The following DPP10 variants were observed in gnomAD, a reference collection of about 807,000 sequenced individuals.
DPP10 encodes inactive dipeptidyl peptidase 10.
A neutral mutation model predicts 120.9 loss-of-function variants in DPP10; 33 were observed. The observed-to-expected ratio is 0.27, with a 90% CI of 0.21 to 0.37. The LOEUF is 0.37. Ranked by LOEUF, DPP10 falls within the 10% of genes least tolerant of loss-of-function variation. DPP10 has a pLI of 1.00. For missense variants in DPP10, 816 were observed against 942.8 expected (o/e 0.87, Z 1.76); for synonymous variants, 337 against 326.1 (o/e 1.03, Z -0.36).
intron 1 of DPP10, among the ~76,000 whole-genome samples, chr2:114,835,015 A>C (rs1472228708): frequency 4.7e-5 from 7 of 147,376 alleles, no homozygotes; most frequent in Non-Finnish European, 7.4e-5. Context: ...TATATAAAAG[A>C]CATATCTACA....
intron 2 of DPP10, among the ~76,000 whole-genome samples, chr2:115,316,924 A>T (rs978374992): frequency 6.6e-6 from 1 of 152,086 alleles, no homozygotes; most frequent in East Asian, 1.9e-4. Context: ...CCTGGGCCAC[A>T]TAGTGAGACC....
intron 1 of DPP10, among the ~76,000 whole-genome samples, chr2:115,258,543 A>C (rs2059109867): frequency 6.6e-6 from 1 of 152,184 alleles, no homozygotes; most frequent in Non-Finnish European, 1.5e-5. Context: ...AAATCACCCT[A>C]AATTGAATAT....
intron 1 of DPP10, among the ~76,000 whole-genome samples, chr2:114,908,031 G>A (rs185568091): frequency 1.3e-5 from 2 of 151,856 alleles, no homozygotes; most frequent in Non-Finnish European, 2.9e-5. Context: ...CTGATGTATT[G>A]AGTCTTTTAT....
chr2:115,009,774 AT>A (rs1270893840), intron 1 of DPP10, among the ~76,000 whole-genome samples: 2 of 152,160 alleles, frequency 1.3e-5, no homozygotes, highest in East Asian at 1.9e-4. Flanking sequence ...TTAAAGTATA[AT>A]TTTAAAAAAG....
chr2:115,170,632 G>A (rs972124842), intron 1 of DPP10, among the ~76,000 whole-genome samples: 1 of 152,048 alleles, frequency 6.6e-6, no homozygotes, highest in African/African-American at 2.4e-5. Flanking sequence ...AAACATAAGT[G>A]GTCCAATAAA....
chr2:115,327,983 G>T (rs1238322169), intron 2 of DPP10, among the ~76,000 whole-genome samples: 1 of 152,080 alleles, frequency 6.6e-6, no homozygotes, highest in Non-Finnish European at 1.5e-5. Flanking sequence ...GGACAATAAT[G>T]TCTTCGTGTT....
intron 8 of DPP10, 83 bp downstream of exon 8, chr2:115,728,019 GA>G: frequency 6.9e-7 from 1 of 1,454,512 alleles, no homozygotes; most frequent in Non-Finnish European, 9.3e-7. Context: ...ATTCATTCCG[GA>G]GCAATACTTA....
At chr2:114,594,985 T>C (rs1691787866) in intron 1 of DPP10, among the ~76,000 whole-genome samples, 1 of 152,096 alleles carries the variant, frequency 6.6e-6, no homozygotes, top group African/African-American at 2.4e-5. Flanking sequence ...CCTTCCAGAT[T>C]ATTCTCTCTT....
intron 1 of DPP10, among the ~76,000 whole-genome samples, chr2:115,255,042 G>A (rs1167487497): frequency 6.6e-6 from 1 of 152,182 alleles, no homozygotes; most frequent in Non-Finnish European, 1.5e-5. Context: ...ACTGTGTGTG[G>A]GGGCTCCAGT....
intron 1 of DPP10, among the ~76,000 whole-genome samples, chr2:114,587,933 C>T (rs1209342015): frequency 1.3e-5 from 2 of 152,214 alleles, no homozygotes; most frequent in Non-Finnish European, 2.9e-5. Flanking sequence ...TGATTTATTA[C>T]ATGAAGGTTA....
chr2:115,221,754 G>GTTTTTTTTTTTTTTTTTTTT (rs56077672), intron 1 of DPP10, among the ~76,000 whole-genome samples: 19 of 120,146 alleles, frequency 1.6e-4, no homozygotes, highest in Non-Finnish European at 2.0e-4. Context: ...GTTTGTTTCT[G>GTTTTTTTTTTTTTTTTTTTT]TTTTTTTTTT....
chr2:114,583,505 G>A (rs553996878), intron 1 of DPP10, among the ~76,000 whole-genome samples: 2 of 152,186 alleles, frequency 1.3e-5, no homozygotes, highest in Admixed American at 6.5e-5. Flanking sequence ...TTGAATATAT[G>A]TATAATCAGA....
At chr2:114,751,549 C>G (rs1395814568) in intron 1 of DPP10, among the ~76,000 whole-genome samples, 1 of 152,130 alleles carries the variant, frequency 6.6e-6, no homozygotes, top group Non-Finnish European at 1.5e-5. Context: ...AGGTTGCTAG[C>G]GAAGCTACAT....
At chr2:114,460,510 A>G (rs923854592) in intron 1 of DPP10, among the ~76,000 whole-genome samples, 2 of 152,202 alleles carry the variant, frequency 1.3e-5, no homozygotes, top group African/African-American at 4.8e-5. Flanking sequence ...ATTGAAAAAA[A>G]CTACTGAGTA....
rs201759364 is a variant in DPP10 at position 115,544,663 on chromosome 2, GC to G, written c.441+18692del. ...AGTCTGGCTTATTTTAAGGGTCAAA[GC>G]TAAATCAGGCCACTTGAATTTAGAC... On this transcript the variant is annotated intron_variant, in intron 5 of 25. Transcript: ENST00000410059. 1.9e-3 allele frequency among the ~76,000 whole-genome samples: 296 copies of G among 152,086 alleles called. 1 individual carries two copies. The highest frequency in any genetic ancestry group is 7.0e-3 in the African/African-American group (289 of 41,530).
chr2:114,893,170 G>T (rs1043529862), intron 1 of DPP10, among the ~76,000 whole-genome samples: 3 of 152,050 alleles, frequency 2.0e-5, no homozygotes, highest in East Asian at 1.9e-4. Context: ...AAATTTAAAC[G>T]ATCACAAAAT....
chr2:115,063,783 C>T (rs566926062), intron 1 of DPP10, among the ~76,000 whole-genome samples: 2 of 152,288 alleles, frequency 1.3e-5, no homozygotes, highest in African/African-American at 4.8e-5. Flanking sequence ...GGATTAAAGA[C>T]TTAATGTAAA....
chr2:115,076,952 C>T (rs1366864564), intron 1 of DPP10, among the ~76,000 whole-genome samples: 1 of 152,224 alleles, frequency 6.6e-6, no homozygotes, highest in Non-Finnish European at 1.5e-5. Flanking sequence ...CAAATTTACA[C>T]TTCCAATAGC....
intron 3 of DPP10, chr2:115,468,452 C>A: frequency 4.5e-6 from 2 of 443,538 alleles, no homozygotes; most frequent in East Asian, 6.1e-5. Flanking sequence ...ACTGTCCTCT[C>A]ACAGAGGCAT....
Sources: allele counts gnomAD v4.1 joint callset (sites outside exome capture counted in the v4.1 genomes callset), GRCh38; gene constraint gnomAD v4.1.1; transcripts MANE v1.5; gene names NCBI Gene and HGNC (gene_info 2026-07-23, HGNC 2026-07-21).